CFAP61: variants seen among roughly 807,000 people sequenced by gnomAD.
The protein encoded by CFAP61 is cilia- and flagella-associated protein 61.
Under a neutral mutation model 135.6 loss-of-function variants are expected in CFAP61, and 107 were observed. The observed-to-expected ratio is 0.79, with a 90% CI of 0.67 to 0.93. The LOEUF is 0.93. CFAP61 is among the 40% of genes least tolerant of loss of function. The pLI is 0.00. For synonymous variants in CFAP61, 575 were observed against 578.5 expected (o/e 0.99, Z 0.09); for missense variants, 1,507 against 1,556.2 (o/e 0.97, Z 0.53).
At chr20:20,063,324 A>G (rs533486911) in intron 2 of CFAP61, among the ~76,000 whole-genome samples, 5 of 152,328 alleles carry the variant, frequency 3.3e-5, no homozygotes, top group African/African-American at 1.2e-4. Context: ...GAGAAATGAA[A>G]TTAATGTTCA....
At position 20,097,079 on chromosome 20, in the gene CFAP61, ATAG is replaced by A. The variant is rs1254648664; in HGVS notation, c.700-1571_700-1569del. 2.8e-5 allele frequency among the ~76,000 whole-genome samples: 4 copies of A among 141,716 alleles called. No individual in the cohort carries two copies. In the East Asian group the frequency reaches 8.5e-4, roughly 30 times the overall value. 93.0% of individuals were successfully genotyped at this position (141,716 alleles called of 152,430 possible). A position where few individuals can be genotyped will look rare whatever the true frequency, so the allele number is the denominator to read the frequency against. On this transcript the variant is annotated intron_variant, in intron 7 of 26. Coordinates refer to ENST00000245957, the MANE Select transcript of CFAP61 (RefSeq NM_015585.4). ...AACTGGGAGACATATTCGAGAACAAATAGTAGTTTAATACCTATTTTTTTTTTT... is the reference window on the plus strand; with the variant it reads ...AACTGGGAGACATATTCGAGAACAAATAGTTTAATACCTATTTTTTTTTTT...
chr20:20,106,506 A>G (rs866530228), intron 8 of CFAP61, among the ~76,000 whole-genome samples: 4 of 152,242 alleles, frequency 2.6e-5, no homozygotes, highest in South Asian at 2.1e-4. Flanking sequence ...TTGTTCTCCA[A>G]CAGTCAGATT....
At chr20:20,100,009 G>A (rs2047897458) in intron 8 of CFAP61, among the ~76,000 whole-genome samples, 1 of 152,058 alleles carries the variant, frequency 6.6e-6, no homozygotes. Context: ...GAGATTTGGG[G>A]TCCTTATTGT....
intron 26 of CFAP61, among the ~76,000 whole-genome samples, chr20:20,354,950 C>CACTGTGAGAGGGGAGGTGGTCACACTG (rs1602162103): frequency 1.3e-4 from 1 of 7,688 alleles, no homozygotes; most frequent in Admixed American, 1.8e-3. Flanking sequence ...GGTGGTCACA[C>CACTGTGAGAGGGGAGGTGGTCACACTG]TGAGGGGAAG....
intron 25 of CFAP61, among the ~76,000 whole-genome samples, chr20:20,335,937 T>C (rs1304556797): frequency 1.3e-5 from 2 of 152,214 alleles, no homozygotes; most frequent in Non-Finnish European, 2.9e-5. Context: ...CAGCCACTTA[T>C]TAACTCTGTG....
intron 9 of CFAP61, among the ~76,000 whole-genome samples, chr20:20,145,516 C>T (rs2051805379): frequency 6.6e-6 from 1 of 152,048 alleles, no homozygotes; most frequent in Admixed American, 6.6e-5. Flanking sequence ...AGACTTAAAC[C>T]TAAGTATACA....
At chr20:20,306,626 G>A (rs540081165) in intron 25 of CFAP61, among the ~76,000 whole-genome samples, 1 of 152,278 alleles carries the variant, frequency 6.6e-6, no homozygotes, top group African/African-American at 2.4e-5. Context: ...TCAATCTGAA[G>A]TTGGGGTGAG....
chr20:20,306,387 C>T (rs557337342), intron 25 of CFAP61, among the ~76,000 whole-genome samples: 27 of 152,174 alleles, frequency 1.8e-4, no homozygotes, highest in African/African-American at 5.8e-4. Flanking sequence ...TAGAAAGGCT[C>T]GGATTGAGAT....
At chr20:20,168,129 T>C (rs2146818901) in intron 12 of CFAP61, among the ~76,000 whole-genome samples, 1 of 152,274 alleles carries the variant, frequency 6.6e-6, no homozygotes, top group African/African-American at 2.4e-5. Flanking sequence ...TTGCATGCAA[T>C]GTCACAATCA....
At chr20:20,154,072 G>A (rs958078287) in intron 9 of CFAP61, among the ~76,000 whole-genome samples, 2 of 151,920 alleles carry the variant, frequency 1.3e-5, no homozygotes, top group Non-Finnish European at 2.9e-5. Flanking sequence ...TAATAAATGT[G>A]ATATGTGACA....
chr20:20,195,287 A>G (rs1181001814), intron 15 of CFAP61, among the ~76,000 whole-genome samples: 1 of 152,232 alleles, frequency 6.6e-6, no homozygotes, highest in Non-Finnish European at 1.5e-5. Context: ...AGAACACATC[A>G]GGGGCCTTGC....
intron 26 of CFAP61, among the ~76,000 whole-genome samples, chr20:20,347,311 A>G (rs985127917): frequency 6.6e-6 from 1 of 152,240 alleles, no homozygotes; most frequent in Non-Finnish European, 1.5e-5. Flanking sequence ...CTAATTTTAT[A>G]ACTTGAGGAA....
At chr20:20,096,717 C>T (rs1288567299) in intron 7 of CFAP61, among the ~76,000 whole-genome samples, 1 of 152,228 alleles carries the variant, frequency 6.6e-6, no homozygotes, top group Non-Finnish European at 1.5e-5. Flanking sequence ...GGTTAATCAG[C>T]GTCTGCTGAG....
At chr20:20,095,730 G>A (rs1289267588) in intron 7 of CFAP61, 4 of 152,310 alleles carry the variant, frequency 2.6e-5, no homozygotes, top group Non-Finnish European at 4.4e-5. Context: ...AGGCACCACT[G>A]ACCTGCAGGC....
chr20:20,270,331 A>T (rs2053244316), intron 21 of CFAP61, among the ~76,000 whole-genome samples: 3 of 152,204 alleles, frequency 2.0e-5, no homozygotes, highest in African/African-American at 7.2e-5. Context: ...GAGCGTGACC[A>T]TGAAATGACA....
intron 2 of CFAP61, among the ~76,000 whole-genome samples, chr20:20,062,817 AG>A (rs1201435699): frequency 1.1e-4 from 16 of 152,216 alleles, no homozygotes; most frequent in African/African-American, 3.1e-4. Context: ...TCCACCCACA[AG>A]GGCTGGAGAG....
chr20:20,272,882 A>G (rs2053466270), intron 21 of CFAP61, among the ~76,000 whole-genome samples: 2 of 152,064 alleles, frequency 1.3e-5, no homozygotes, highest in South Asian at 2.1e-4. Context: ...GAGTTACCCA[A>G]CTGCTACTTC....
rs537027785 is a variant in CFAP61, at chr20:20,213,981, A to G, written c.1932+14079A>G. Among the ~76,000 whole-genome samples, 13 of 151,762 alleles carry G rather than the reference A, an allele frequency of 8.6e-5. No homozygotes were observed. In the South Asian group the frequency reaches 2.7e-3, roughly 32 times the overall value. On this transcript the variant is annotated intron_variant, in intron 17 of 26. Transcript: ENST00000245957. ...TTTCATCAGGTATTATGGAAGCGAC[A>G]CAACTTTGAAAGAAATGAGCAAAGG...
chr20:20,297,278 A>G (rs2055712991), intron 24 of CFAP61, among the ~76,000 whole-genome samples: 1 of 152,232 alleles, frequency 6.6e-6, no homozygotes, highest in African/African-American at 2.4e-5. Flanking sequence ...CAGGCAGTTC[A>G]AATTGCCTTG....
Sources: gnomAD v4.1 joint callset for allele counts (sites outside exome capture counted in the v4.1 genomes callset) on GRCh38, gnomAD v4.1.1 for gene constraint, MANE v1.5 for transcripts, NCBI Gene and HGNC (gene_info 2026-07-23, HGNC 2026-07-21) for gene names.